TIMP2: variants seen among roughly 807,000 people sequenced by gnomAD.
TIMP2 encodes the protein metalloproteinase inhibitor 2.
In TIMP2, 5 loss-of-function variants were observed where a neutral mutation model predicts 24.3. The ratio of observed to expected loss-of-function variants is 0.21; its 90% CI spans 0.11 to 0.43. The LOEUF is 0.43. Among genes scored for constraint, TIMP2 ranks in the 20% least tolerant of loss-of-function variants. The pLI is 1.00. For synonymous variants in TIMP2, 130 were observed against 123.2 expected, an observed-to-expected ratio of 1.06 and a Z score of -0.37; for missense variants, 221 against 297.5, an observed-to-expected ratio of 0.74 and a Z score of 1.89.
rs1319108783 is a variant in TIMP2 at position 78,873,897 on chromosome 17, A to G, written c.153T>C (p.Ser51=). 1.3e-5 allele frequency: 21 copies of G among 1,613,306 alleles called. No individual in the cohort carries two copies. Among genetic ancestry groups the G allele is most frequent in the Non-Finnish European group, 1.8e-5 (21 of 1,179,964 alleles). The change falls in exon 2 of 5, where the codon AGT becomes AGC. Residue 51 remains serine, a synonymous_variant. Coordinates refer to ENST00000262768, the MANE Select transcript of TIMP2 (RefSeq NM_003255.5). ...ADVVIRAKAV[S]EKEVDSGNDI... ...CGTTTCCAGAGTCCACTTCCTTCTC[A>G]CTGACCGCTTTGGCCCTGATCACTG... is the stretch of plus-strand genomic sequence containing the variant.
intron 1 of TIMP2, among the ~76,000 whole-genome samples, chr17:78,921,070 G>A (rs748816102): frequency 1.7e-4 from 26 of 152,284 alleles, no homozygotes; most frequent in Non-Finnish European, 2.8e-4. Context: ...CCGCCCCCTC[G>A]CATGGAAGGC....
At position 78,870,964 on chromosome 17, in the gene TIMP2, C is replaced by G; in HGVS notation, c.274G>C (p.Ala92Pro). Residue 92 changes from alanine to proline, a missense_variant, in exon 3 of 5, where the codon GCC becomes CCC. By Grantham distance (27) the Ala-to-Pro change is conservative (BLOSUM62 -1). Coordinates refer to ENST00000262768, the MANE Select transcript of TIMP2 (RefSeq NM_003255.5). ...PEKDIEFIYTAPSSAVCGVSL... is the reference protein window; with the variant it reads ...PEKDIEFIYTPPSSAVCGVSL... ...ACCCCACACACTGCCGAGGAGGGGG[C>G]CGTGTAGATAAACTCTATATCCTTC... is the stretch of plus-strand genomic sequence containing the variant. 1 of 1,613,738 alleles carries G rather than the reference C, an allele frequency of 6.2e-7. No homozygotes were observed. The highest frequency in any genetic ancestry group is 2.2e-5 in the East Asian group (1 of 44,842).
intron 1 of TIMP2, among the ~76,000 whole-genome samples, chr17:78,893,402 GGT>G (rs1229156770): frequency 8.3e-6 from 1 of 120,900 alleles, no homozygotes. Flanking sequence ...TGTATGCAGG[GGT>G]GTGTGTGCAT....
At chr17:78,901,804 C>G in intron 1 of TIMP2, 2 of 717,200 alleles carry the variant, frequency 2.8e-6, no homozygotes, top group Non-Finnish European at 2.6e-6. Flanking sequence ...CTCCAGATGA[C>G]TGAGCTAGAC....
intron 1 of TIMP2, among the ~76,000 whole-genome samples, chr17:78,885,322 G>A (rs1288163988): frequency 1.3e-5 from 2 of 152,268 alleles, no homozygotes; most frequent in African/African-American, 4.8e-5. Context: ...GCTCTAGAAG[G>A]TGCAAAGTGT....
At chr17:78,872,179 C>T (rs2069691711) in intron 2 of TIMP2, among the ~76,000 whole-genome samples, 1 of 150,198 alleles carries the variant, frequency 6.7e-6, no homozygotes, top group Non-Finnish European at 1.5e-5. Flanking sequence ...TTAGCAGAGA[C>T]GAGGTCTCGC....
At chr17:78,874,206 A>G (rs1484533336) in intron 1 of TIMP2, 1 of 432,700 alleles carries the variant, frequency 2.3e-6, no homozygotes, top group Admixed American at 4.1e-5. Context: ...CCTTGTGACC[A>G]AGGCAGTTTC....
rs2070300656 is a variant in TIMP2 at position 78,920,434 on chromosome 17, G to A, written c.130+4525C>T. 1.3e-5 allele frequency among the ~76,000 whole-genome samples: 2 copies of A among 152,246 alleles called. No homozygotes were observed. Among genetic ancestry groups the A allele is most frequent in the South Asian group, 4.1e-4 (2 of 4,826 alleles). On this transcript the variant is annotated intron_variant, in intron 1 of 4. Coordinates refer to ENST00000262768, the MANE Select transcript of TIMP2 (RefSeq NM_003255.5). The surrounding 1 kb of genome is among the most constrained non-coding windows in gnomAD (Gnocchi z 4.5). Reference sequence around the variant, plus strand: ...TCAGATCCCAGATAGGGAGAAACGTGTGTTGTCCAGAGAGCTCCTTCCAGC... The same window carrying A: ...TCAGATCCCAGATAGGGAGAAACGTATGTTGTCCAGAGAGCTCCTTCCAGC...
chr17:78,857,996 C>T (rs1313827010), intron 3 of TIMP2, among the ~76,000 whole-genome samples: 7 of 151,920 alleles, frequency 4.6e-5, no homozygotes, highest in East Asian at 1.9e-4. Flanking sequence ...CTCTTGCACC[C>T]CAGAGGCGGA....
chr17:78,861,940 G>A (rs750265893), intron 3 of TIMP2, among the ~76,000 whole-genome samples: 2 of 152,174 alleles, frequency 1.3e-5, no homozygotes, highest in Non-Finnish European at 2.9e-5. Context: ...AGAGAGGACC[G>A]CCTCTGGTCT....
At position 78,893,054 on chromosome 17, in the gene TIMP2, CAT is replaced by C. The variant is rs777031836; in HGVS notation, c.131-19137_131-19136del. Reference sequence around the variant, plus strand: ...ACGGGGCAGGGAGGAGCCTGCCAAGCATGTGTGTGTGCAGGAGTGTGTGCACG... The same window carrying C: ...ACGGGGCAGGGAGGAGCCTGCCAAGCGTGTGTGTGCAGGAGTGTGTGCACG... On this transcript the variant is annotated intron_variant, in intron 1 of 4. Coordinates refer to ENST00000262768, the MANE Select transcript of TIMP2 (RefSeq NM_003255.5). Among the ~76,000 whole-genome samples the C allele has an allele frequency of 1.1e-4, 16 of 152,228 alleles. 3 individuals are homozygous for C. Among genetic ancestry groups the C allele is most frequent in the East Asian group, 3.9e-4 (2 of 5,166 alleles).
At chr17:78,894,518 G>A (rs149783029) in intron 1 of TIMP2, among the ~76,000 whole-genome samples, 1 of 152,178 alleles carries the variant, frequency 6.6e-6, no homozygotes, top group East Asian at 1.9e-4. Context: ...TGAGATTTTT[G>A]ACAAAGGTGC....
intron 1 of TIMP2, among the ~76,000 whole-genome samples, chr17:78,902,157 A>G (rs2070104064): frequency 6.6e-6 from 1 of 152,108 alleles, no homozygotes; most frequent in African/African-American, 2.4e-5. Context: ...CCCAGGCTGG[A>G]GTGCAGTGGT....
At chr17:78,890,642 CA>C in intron 1 of TIMP2, 1 of 1,549,810 alleles carries the variant, frequency 6.5e-7, no homozygotes, top group Non-Finnish European at 8.7e-7. Context: ...TCGCATTTAG[CA>C]TATGTTCTGA....
intron 3 of TIMP2, among the ~76,000 whole-genome samples, chr17:78,863,041 A>T (rs2069580041): frequency 2.0e-5 from 3 of 152,120 alleles, no homozygotes; most frequent in African/African-American, 7.2e-5. Context: ...GTGCCGTTGA[A>T]CGATTTATTT....
intron 1 of TIMP2, among the ~76,000 whole-genome samples, chr17:78,923,133 G>T (rs1159371714): frequency 6.6e-6 from 1 of 152,088 alleles, no homozygotes; most frequent in African/African-American, 2.4e-5. Flanking sequence ...CCGGGATGGG[G>T]TGAAAAGTTT....
chr17:78,866,663 G>A (rs1043392697), intron 3 of TIMP2, among the ~76,000 whole-genome samples: 3 of 152,012 alleles, frequency 2.0e-5, no homozygotes, highest in Non-Finnish European at 2.9e-5. Flanking sequence ...AATGATGACC[G>A]GATAAACAAA....
intron 3 of TIMP2, among the ~76,000 whole-genome samples, chr17:78,861,605 CTTTT>C (rs953067288): frequency 1.4e-5 from 2 of 142,110 alleles, no homozygotes; most frequent in African/African-American, 2.6e-5. Context: ...TGTATTTTTT[CTTTT>C]TTTTTTTTTT....
Position 78,896,640 on chromosome 17 carries a change from G to A in TIMP2, c.131-22721C>T, listed in dbSNP as rs1420285492. On this transcript the variant is annotated intron_variant, in intron 1 of 4. Coordinates refer to ENST00000262768, the MANE Select transcript of TIMP2 (RefSeq NM_003255.5). This position sits in a 1 kb window ranked among gnomAD's most constrained non-coding sequence, Gnocchi z 4.4. Reference sequence around the variant, plus strand: ...CCCTCTGGTCCTGCCACCCCGAGCTGACAAGCCTGCCTTCTGCTGGCTGCC... The same window carrying A: ...CCCTCTGGTCCTGCCACCCCGAGCTAACAAGCCTGCCTTCTGCTGGCTGCC... Among the ~76,000 whole-genome samples the A allele has an allele frequency of 6.6e-6, 1 of 152,046 alleles. No homozygotes were observed. The highest frequency in any genetic ancestry group is 2.4e-5 in the African/African-American group (1 of 41,358).
Sources: gnomAD v4.1 joint callset for allele counts (sites outside exome capture counted in the v4.1 genomes callset) on GRCh38, gnomAD v4.1.1 for gene constraint, Gnocchi (gnomAD v3.1) non-coding constraint, MANE v1.5 for transcripts, NCBI Gene and HGNC (gene_info 2026-07-23, HGNC 2026-07-21) for gene names.